Variants in DCDC1 observed in about 807,000 individuals in gnomAD.
DCDC1 encodes doublecortin domain containing 1, also known as doublecortin domain-containing protein 1.
Under a neutral mutation model 178.3 loss-of-function variants are expected in DCDC1, and 200 were observed. That is an observed-to-expected ratio of 1.12 (90% CI 1.00 to 1.26). The LOEUF is 1.26. Ranked by LOEUF, DCDC1 falls within the 50% of genes most tolerant of loss-of-function variation. DCDC1 has a pLI of 0.00. For missense variants in DCDC1, 1,983 were observed against 1,749.2 expected, an observed-to-expected ratio of 1.13 and a Z score of -2.38; for synonymous variants, 690 against 604.8, an observed-to-expected ratio of 1.14 and a Z score of -2.07.
intron 9 of DCDC1, among the ~76,000 whole-genome samples, chr11:31,229,494 AAC>A (rs1328703677): frequency 6.6e-6 from 1 of 152,184 alleles, no homozygotes; most frequent in East Asian, 1.9e-4. Flanking sequence ...TCACTATATT[AAC>A]AGTAAAAATA....
chr11:30,888,947 A>C (rs1943546244), intron 36 of DCDC1, among the ~76,000 whole-genome samples: 1 of 152,214 alleles, frequency 6.6e-6, no homozygotes, highest in African/African-American at 2.4e-5. Context: ...GGTGGGGCAC[A>C]TGGGCATCAT....
chr11:30,894,217 T>C, intron 35 of DCDC1, 31 bp downstream of exon 35: 1 of 1,593,638 alleles, frequency 6.3e-7, no homozygotes, highest in Non-Finnish European at 8.5e-7. Context: ...AAGGGCAGAG[T>C]CTTTAATGTC....
intron 7 of DCDC1, among the ~76,000 whole-genome samples, chr11:31,289,888 G>A (rs1157389392): frequency 1.3e-5 from 2 of 151,856 alleles, no homozygotes; most frequent in East Asian, 1.9e-4. Flanking sequence ...TCAACCCTAG[G>A]CGTTTGGTTA....
intron 20 of DCDC1, among the ~76,000 whole-genome samples, chr11:31,034,754 T>C (rs1207088354): frequency 6.6e-6 from 1 of 152,242 alleles, no homozygotes; most frequent in East Asian, 1.9e-4. Context: ...TCACAGAATA[T>C]ATGGGGTCAT....
At chr11:30,905,653 T>C (rs395032) in intron 30 of DCDC1, among the ~76,000 whole-genome samples, 104,641 of 152,036 alleles carry the variant, frequency 0.69, 36,425 homozygotes, top group Middle Eastern at 0.8. Flanking sequence ...CAACCTAGGA[T>C]GCTGCCCTGA....
chr11:31,263,064 C>CA (rs772736810), intron 8 of DCDC1: 2 of 1,612,820 alleles, frequency 1.2e-6, no homozygotes, highest in Non-Finnish European at 8.5e-7. Context: ...GTCTCAGAGT[C>CA]AGTGCTTTCC....
chr11:31,074,184 G>A (rs1223006383), intron 18 of DCDC1, among the ~76,000 whole-genome samples: 2 of 152,146 alleles, frequency 1.3e-5, no homozygotes, highest in African/African-American at 4.8e-5. Flanking sequence ...TCACATCAGA[G>A]AGGGCACAGC....
At chr11:31,194,557 A>C (rs189916663) in intron 9 of DCDC1, among the ~76,000 whole-genome samples, 1 of 152,138 alleles carries the variant, frequency 6.6e-6, no homozygotes, top group East Asian at 1.9e-4. Flanking sequence ...CCATAACTCT[A>C]CTTTTTAGTT....
intron 9 of DCDC1, among the ~76,000 whole-genome samples, chr11:31,186,841 T>C (rs1969558711): frequency 6.6e-6 from 1 of 152,226 alleles, no homozygotes; most frequent in African/African-American, 2.4e-5. Context: ...CCTTCAAGAC[T>C]AGCATCCAAT....
At chr11:30,888,645 A>G (rs1448407061) in intron 36 of DCDC1, among the ~76,000 whole-genome samples, 1 of 152,196 alleles carries the variant, frequency 6.6e-6, no homozygotes, top group Non-Finnish European at 1.5e-5. Flanking sequence ...TGAACCCAGG[A>G]GGCGGAGGTT....
chr11:31,367,680 GC>G (rs1952031959), intron 1 of DCDC1, among the ~76,000 whole-genome samples: 1 of 152,180 alleles, frequency 6.6e-6, no homozygotes, highest in African/African-American at 2.4e-5. Flanking sequence ...ATACATACCA[GC>G]TTTTGAAGAC....
intron 30 of DCDC1, 178 bp downstream of exon 30, chr11:30,906,362 T>C (rs1335724761): frequency 3.2e-6 from 2 of 631,186 alleles, no homozygotes; most frequent in Non-Finnish European, 5.3e-6. Flanking sequence ...TAATAGACAA[T>C]GCATTTTAAA....
At chr11:31,108,911 G>A (rs1959024561) in intron 12 of DCDC1, among the ~76,000 whole-genome samples, 1 of 152,160 alleles carries the variant, frequency 6.6e-6, no homozygotes, top group Non-Finnish European at 1.5e-5. Context: ...TGAAAAGAGT[G>A]TGAAACATCT....
intron 20 of DCDC1, among the ~76,000 whole-genome samples, chr11:30,954,165 G>A (rs1311383074): frequency 2.0e-5 from 3 of 151,814 alleles, no homozygotes; most frequent in African/African-American, 7.3e-5. Flanking sequence ...ACAGGCGCCT[G>A]CCACCACGCC....
chr11:30,929,472 T>C lies in DCDC1; in HGVS notation c.2897+2299A>G, dbSNP rs2134301356. 1.3e-5 allele frequency among the ~76,000 whole-genome samples: 2 copies of C among 152,152 alleles called. 1 individual carries two copies. Among genetic ancestry groups the C allele is most frequent in the Middle Eastern group, 6.8e-3 (2 of 294 alleles). On this transcript the variant is annotated intron_variant, in intron 22 of 38. Transcript: ENST00000684477. ...TAAACTCATTCTCAAAAGACTTTTA[T>C]TATTTAAGCACATAGGAAGTGTTGG...
At chr11:30,923,016 G>A (rs773858708) in intron 23 of DCDC1, among the ~76,000 whole-genome samples, 1 of 143,402 alleles carries the variant, frequency 7.0e-6, no homozygotes, top group Admixed American at 6.9e-5. Context: ...AAAGAAGGGA[G>A]CAAGGGAGGG....
At chr11:31,199,931 A>T (rs1291168007) in intron 9 of DCDC1, among the ~76,000 whole-genome samples, 4 of 152,170 alleles carry the variant, frequency 2.6e-5, no homozygotes, top group Non-Finnish European at 2.9e-5. Context: ...AGCAAATGCC[A>T]TATGAAATAA....
At chr11:31,078,256 CAAAG>C (rs1318437986) in intron 17 of DCDC1, among the ~76,000 whole-genome samples, 3 of 151,730 alleles carry the variant, frequency 2.0e-5, no homozygotes, top group Non-Finnish European at 4.4e-5. Context: ...CTCTATGAGA[CAAAG>C]AAAGAGACTT....
At chr11:30,944,396 G>A (rs112306669) in intron 21 of DCDC1, 80 of 452,214 alleles carry the variant, frequency 1.8e-4, no homozygotes, top group African/African-American at 1.2e-3. Context: ...ACTTAAATCC[G>A]GTATAAAATT....
Sources: gnomAD v4.1 joint callset for allele counts (sites outside exome capture counted in the v4.1 genomes callset) on GRCh38, gnomAD v4.1.1 for gene constraint, MANE v1.5 for transcripts, NCBI Gene and HGNC (gene_info 2026-07-23, HGNC 2026-07-21) for gene names.